The following SPAG17 variants were observed in gnomAD, a reference collection of about 807,000 sequenced individuals.
The protein encoded by SPAG17 is sperm-associated antigen 17.
In SPAG17, 169 loss-of-function variants were observed where a neutral mutation model predicts 273.6. The ratio of observed to expected loss-of-function variants is 0.62; its 90% confidence interval spans 0.55 to 0.70. SPAG17 has a LOEUF of 0.70. Among genes scored for constraint, SPAG17 ranks in the 30% least tolerant of loss-of-function variants. The probability of loss-of-function intolerance (pLI) is 0.00; values close to 1 mark genes in which losing one functional copy is unlikely to be tolerated. For synonymous variants in SPAG17, 825 were observed against 873.2 expected, an observed-to-expected ratio of 0.94 and a Z score of 0.97; for missense variants, 2,557 against 2,627.8, an observed-to-expected ratio of 0.97 and a Z score of 0.59.
Position 118,036,831 on chromosome 1 carries a change from G to A in SPAG17, c.3372C>T (p.Ala1124=). The change falls in exon 24 of 49, where the codon GCC becomes GCT. Residue 1124 remains alanine, a synonymous_variant. Coordinates refer to ENST00000336338, the MANE Select transcript of SPAG17 (RefSeq NM_206996.4). ...KAFSKFGSFS[A]TLENGICLSI... ...AGAGGCAGATTCCATTTTCTAAGGTGGCAGAAAAAGATCCAAACTTGCTGA... is the reference window on the plus strand; with the variant it reads ...AGAGGCAGATTCCATTTTCTAAGGTAGCAGAAAAAGATCCAAACTTGCTGA... 1 of 1,561,666 alleles carries A rather than the reference G, an allele frequency of 6.4e-7. No homozygotes were observed. Among genetic ancestry groups the A allele is most frequent in the Non-Finnish European group, 8.7e-7 (1 of 1,151,318 alleles).
intron 5 of SPAG17, among the ~76,000 whole-genome samples, chr1:118,100,300 G>A (rs1425866278): frequency 1.3e-5 from 2 of 152,170 alleles, no homozygotes; most frequent in South Asian, 2.1e-4. Flanking sequence ...CCCGAGTATG[G>A]ATTATGTAGT....
At chr1:118,048,841 A>T (rs1440163742) in intron 20 of SPAG17, among the ~76,000 whole-genome samples, 1 of 152,212 alleles carries the variant, frequency 6.6e-6, no homozygotes, top group African/African-American at 2.4e-5. Flanking sequence ...GGTTGCAGTG[A>T]GCCGGGATTG....
intron 40 of SPAG17, among the ~76,000 whole-genome samples, chr1:117,987,597 G>T (rs1271169643): frequency 6.6e-6 from 1 of 152,180 alleles, no homozygotes; most frequent in Non-Finnish European, 1.5e-5. Context: ...AAAGCACATT[G>T]AGGGCCTAGA....
chr1:117,996,901 A>C (rs890940656), intron 32 of SPAG17, among the ~76,000 whole-genome samples, 158 bp from the exon 33 acceptor site: 1 of 152,174 alleles, frequency 6.6e-6, no homozygotes, highest in African/African-American at 2.4e-5. Flanking sequence ...AGACTGCATT[A>C]ATAAAAGTAA....
intron 34 of SPAG17, among the ~76,000 whole-genome samples, chr1:117,995,101 C>T (rs1007523439): frequency 3.3e-5 from 5 of 152,076 alleles, no homozygotes; most frequent in Admixed American, 1.3e-4. Context: ...TCCCCCAACC[C>T]GTGTTTTCCA....
At chr1:117,988,041 T>C (rs1290707420) in intron 39 of SPAG17, 64 bp downstream of exon 39, 2 of 1,464,128 alleles carry the variant, frequency 1.4e-6, no homozygotes, top group Non-Finnish European at 1.9e-6. Context: ...AGCACCTGCA[T>C]ATTCCATTTC....
chr1:118,148,004 AAGT>A (rs1379099969), intron 3 of SPAG17, among the ~76,000 whole-genome samples: 1 of 152,192 alleles, frequency 6.6e-6, no homozygotes, highest in African/African-American at 2.4e-5. Context: ...AGTACCCTAC[AAGT>A]AGAAGTAAAT....
chr1:118,039,406 G>T lies in SPAG17; in HGVS notation c.3205C>A (p.His1069Asn). The stretch of plus-strand genomic sequence containing the variant: ...TCATTTAAATGAATCATAAAATTGT[G>T]GTTGTCCTTTACCACTCTCACTTTG... ...FIKVRVVKDN[H>N]NFMIHLNDPK... Residue 1069 changes from histidine to asparagine, a missense_variant, in exon 23 of 49, where the codon CAC (histidine) becomes AAC (asparagine). Coordinates refer to ENST00000336338, the MANE Select transcript of SPAG17 (RefSeq NM_206996.4). 2.5e-6 allele frequency: 4 copies of T among 1,613,358 alleles called. No individual in the cohort carries two copies. Among genetic ancestry groups the T allele is most frequent in the Non-Finnish European group, 3.4e-6 (4 of 1,179,600 alleles).
chr1:118,147,711 C>T (rs575153453), intron 3 of SPAG17, among the ~76,000 whole-genome samples: 1 of 152,330 alleles, frequency 6.6e-6, no homozygotes, highest in East Asian at 1.9e-4. Context: ...TACACAATCT[C>T]ATAATGAGGC....
intron 1 of SPAG17, among the ~76,000 whole-genome samples, chr1:118,175,180 A>C (rs1660632731): frequency 6.6e-6 from 1 of 152,096 alleles, no homozygotes; most frequent in Non-Finnish European, 1.5e-5. Flanking sequence ...ACAGGCACGC[A>C]CCACCACACC....
chr1:118,125,193 A>T (rs1279723053), intron 3 of SPAG17, among the ~76,000 whole-genome samples: 1 of 151,268 alleles, frequency 6.6e-6, no homozygotes, highest in Non-Finnish European at 1.5e-5. Context: ...AGCACATATC[A>T]ATTTTTTAAA....
intron 23 of SPAG17, among the ~76,000 whole-genome samples, chr1:118,038,064 G>C (rs1649295827): frequency 6.6e-6 from 1 of 152,124 alleles, no homozygotes. Context: ...CAAAATGTAT[G>C]AAGAATTCTT....
chr1:118,126,469 T>A (rs1040298571), intron 3 of SPAG17, among the ~76,000 whole-genome samples: 2 of 152,014 alleles, frequency 1.3e-5, no homozygotes, highest in African/African-American at 4.8e-5. Context: ...TGTCTCAGCC[T>A]CCCAAAGTGC....
intron 32 of SPAG17, among the ~76,000 whole-genome samples, chr1:118,004,633 A>C (rs1658671634): frequency 6.6e-6 from 1 of 152,210 alleles, no homozygotes; most frequent in African/African-American, 2.4e-5. Context: ...CATGGGAGAG[A>C]ATCTCCTTAT....
intron 24 of SPAG17, 53 bp from the exon 25 acceptor site, chr1:118,031,920 C>T (rs1648521791): frequency 1.4e-6 from 2 of 1,399,382 alleles, no homozygotes; most frequent in South Asian, 2.9e-5. Context: ...TATTTGATAT[C>T]CTTGTGAAAT....
At position 118,091,983 on chromosome 1, in the gene SPAG17, G is replaced by A; in HGVS notation, c.1193C>T (p.Pro398Leu). The A allele has an allele frequency of 6.2e-7, 1 of 1,613,522 alleles. No individual in the cohort carries two copies. Among genetic ancestry groups the A allele is most frequent in the Non-Finnish European group, 8.5e-7 (1 of 1,179,586 alleles). Residue 398 changes from proline (P) to leucine (L), a missense_variant, in exon 9 of 49, where the codon CCA becomes CTA. Transcript: ENST00000336338. Reference protein sequence around the residue: ...PTSEAPQPAVPAPGKKKAQYE... With the variant: ...PTSEAPQPAVLAPGKKKAQYE... ...CTGTGCTTTCTTCTTTCCAGGAGCT[G>A]GTACAGCAGGTTGTGGAGCCTAGAA...
rs745828690 is a variant in SPAG17, at chr1:118,016,196, G to A, written c.4070-14C>T. ...TGTGACTTTTTCCTGTGAAGTTCAA[G>A]TAAAATCAAACAACAACAATATAAC... On this transcript the variant is annotated splice_polypyrimidine_tract_variant and intron_variant, in intron 28 of 48. Transcript: ENST00000336338. 1 of 1,599,382 alleles carries A rather than the reference G, an allele frequency of 6.3e-7. No individual in the cohort carries two copies. Among genetic ancestry groups the A allele is most frequent in the Non-Finnish European group, 8.6e-7 (1 of 1,167,518 alleles).
intron 35 of SPAG17, among the ~76,000 whole-genome samples, chr1:117,994,189 T>G (rs957285403): frequency 6.6e-6 from 1 of 152,104 alleles, no homozygotes; most frequent in African/African-American, 2.4e-5. Flanking sequence ...ATAAAAGAAA[T>G]AAAACTGAAA....
At chr1:118,010,569 T>C (rs1258881454) in intron 30 of SPAG17, among the ~76,000 whole-genome samples, 2 of 152,102 alleles carry the variant, frequency 1.3e-5, no homozygotes, top group African/African-American at 4.8e-5. Context: ...TATCTAAAGA[T>C]GAATTAAAGA....
Sources: gnomAD v4.1 joint callset for allele counts (sites outside exome capture counted in the v4.1 genomes callset) on GRCh38, gnomAD v4.1.1 for gene constraint, MANE v1.5 for transcripts, NCBI Gene and HGNC (gene_info 2026-07-23, HGNC 2026-07-21) for gene names.